ADGRV1: variants seen among roughly 807,000 people sequenced by gnomAD.
ADGRV1 encodes the protein adhesion G protein-coupled receptor V1, also known as G-protein coupled receptor 98.
In ADGRV1, 359 loss-of-function variants were observed where a neutral mutation model predicts 596.2. The observed-to-expected ratio is 0.60, with a 90% CI of 0.55 to 0.66. ADGRV1 has a LOEUF of 0.66. ADGRV1 is among the 30% of genes least tolerant of loss of function. ADGRV1 has a pLI of 0.00. For missense variants in ADGRV1, 7,274 were observed against 7,575.6 expected (o/e 0.96, Z 1.48); for synonymous variants, 2,681 against 2,679.2 (o/e 1.00, Z -0.02).
intron 87 of ADGRV1, among the ~76,000 whole-genome samples, chr5:91,128,124 C>G (rs575345283): frequency 6.6e-6 from 1 of 151,764 alleles, no homozygotes; most frequent in African/African-American, 2.4e-5. Flanking sequence ...GCCTAGCTTT[C>G]TGCTTGTCTT....
chr5:90,674,255 G>GA, intron 23 of ADGRV1, 21 bp downstream of exon 23: 5 of 1,534,420 alleles, frequency 3.3e-6, no homozygotes, highest in Non-Finnish European at 3.5e-6. Context: ...CCTTTTGCAA[G>GA]AAAAATCCTC....
At position 90,763,391 on chromosome 5, in the gene ADGRV1, C is replaced by G. The variant is rs202066007; in HGVS notation, c.12207C>G (p.Thr4069=). The G allele has an allele frequency of 1.2e-6, 2 of 1,613,342 alleles. No individual in the cohort carries two copies. The highest frequency in any genetic ancestry group is 1.7e-6 in the Non-Finnish European group (2 of 1,179,488). The stretch of plus-strand genomic sequence containing the variant: ...TCCGGTCCCCAGGAGGAAAAGGAAC[C>G]GTCCGACTTGAGTGGACCATAGATG... ...TVVRSPGGKG[T]VRLEWTIDEK... The change falls in exon 59 of 90, where the codon ACC becomes ACG. Residue 4069 remains threonine, a synonymous_variant. Transcript: ENST00000405460.
At chr5:91,014,403 G>A (rs1228349822) in intron 85 of ADGRV1, among the ~76,000 whole-genome samples, 1 of 152,024 alleles carries the variant, frequency 6.6e-6, no homozygotes, top group Non-Finnish European at 1.5e-5. Context: ...ATGAGTTGGA[G>A]AGGAGTCCTT....
intron 83 of ADGRV1, among the ~76,000 whole-genome samples, chr5:90,905,344 A>G (rs963304549): frequency 2.0e-5 from 3 of 151,998 alleles, no homozygotes; most frequent in African/African-American, 4.8e-5. Flanking sequence ...CATTTTAGTA[A>G]TGTTGATTCT....
chr5:90,843,584 G>A (rs1439389225), intron 78 of ADGRV1, among the ~76,000 whole-genome samples: 2 of 152,134 alleles, frequency 1.3e-5, no homozygotes, highest in African/African-American at 2.4e-5. Context: ...TCATTTCATC[G>A]TTTTAGTTTA....
At chr5:91,037,467 TATC>T (rs111338458) in intron 85 of ADGRV1, among the ~76,000 whole-genome samples, 37,130 of 151,942 alleles carry the variant, frequency 0.24, 4,753 homozygotes, top group Non-Finnish European at 0.28. Flanking sequence ...GGGAAAATAT[TATC>T]ATATATTAGT....
chr5:90,575,273 A>C (rs1016857220), intron 1 of ADGRV1, among the ~76,000 whole-genome samples: 4 of 151,708 alleles, frequency 2.6e-5, no homozygotes, highest in African/African-American at 9.7e-5. Context: ...TTATTCTTTG[A>C]GACAGAGTCT....
intron 83 of ADGRV1, among the ~76,000 whole-genome samples, chr5:90,920,443 TA>T (rs989588027): frequency 7.6e-4 from 115 of 151,876 alleles, no homozygotes; most frequent in African/African-American, 2.6e-3. Flanking sequence ...TTCCTAAATT[TA>T]AAAAAAAATT....
At chr5:90,926,251 C>G (rs1306451119) in intron 83 of ADGRV1, among the ~76,000 whole-genome samples, 1 of 152,090 alleles carries the variant, frequency 6.6e-6, no homozygotes, top group African/African-American at 2.4e-5. Flanking sequence ...GTCTGTGAAT[C>G]CATCTGGTCC....
chr5:90,872,009 A>G (rs1768730855), intron 83 of ADGRV1, among the ~76,000 whole-genome samples: 1 of 152,212 alleles, frequency 6.6e-6, no homozygotes, highest in African/African-American at 2.4e-5. Context: ...CTGCTACCTC[A>G]CGACATGCAG....
Position 90,805,305 on chromosome 5 carries a change from T to C in ADGRV1, c.14683T>C (p.Phe4895Leu). The change falls in exon 72 of 90, where the codon TTT becomes CTT. Residue 4895 changes from phenylalanine (F) to leucine (L), a missense_variant. By Grantham distance (22) the Phe-to-Leu change is conservative. Coordinates refer to ENST00000405460, the MANE Select transcript of ADGRV1 (RefSeq NM_032119.4). The stretch of plus-strand genomic sequence containing the variant: ...TCAGGTCGGATTTGAATCCACTGCT[T>C]TTCAACTCATGAACATCACTGCTGG... ...NSQVGFESTAFQLMNITAGTS... is the reference protein window; with the variant it reads ...NSQVGFESTALQLMNITAGTS... The C allele has an allele frequency of 6.2e-7, 1 of 1,612,412 alleles. No individual in the cohort carries two copies. The highest frequency in any genetic ancestry group is 8.5e-7 in the Non-Finnish European group (1 of 1,178,638).
At chr5:90,765,972 C>T (rs531055720) in intron 59 of ADGRV1, among the ~76,000 whole-genome samples, 64 of 151,914 alleles carry the variant, frequency 4.2e-4, no homozygotes, top group South Asian at 1.3e-3. Context: ...TGCAGTGGCG[C>T]GATCTCTGCT....
chr5:90,837,416 G>A (rs1349052395), intron 77 of ADGRV1, among the ~76,000 whole-genome samples: 5 of 149,982 alleles, frequency 3.3e-5, no homozygotes, highest in African/African-American at 1.2e-4. Context: ...TGTCGCCCTG[G>A]CTGGAGTGCA....
At position 90,674,146 on chromosome 5, in the gene ADGRV1, G is replaced by A. The variant is rs1172836837; in HGVS notation, c.5022G>A (p.Lys1674=). 1.2e-6 allele frequency: 2 copies of A among 1,613,320 alleles called. No homozygotes were observed. The highest frequency in any genetic ancestry group is 1.7e-6 in the Non-Finnish European group (2 of 1,179,460). Residue 1674 remains lysine, a synonymous_variant, in exon 23 of 90, where the codon AAG becomes AAA. Coordinates refer to ENST00000405460, the MANE Select transcript of ADGRV1 (RefSeq NM_032119.4). ...TLVSAIPGDG[K]LGSTPTSGAS... Reference sequence around the variant, plus strand: ...TTTCTGCAATTCCTGGAGATGGGAAGCTAGGCTCAACTCCTACCAGTGGTG... The same window carrying A: ...TTTCTGCAATTCCTGGAGATGGGAAACTAGGCTCAACTCCTACCAGTGGTG...
At chr5:91,006,214 C>T (rs781615188) in intron 85 of ADGRV1, among the ~76,000 whole-genome samples, 7 of 152,126 alleles carry the variant, frequency 4.6e-5, no homozygotes, top group Non-Finnish European at 8.8e-5. Context: ...AAGTTATACC[C>T]TGTGACGTCT....
intron 16 of ADGRV1, among the ~76,000 whole-genome samples, chr5:90,646,552 A>G (rs1049809581): frequency 2.0e-5 from 3 of 152,062 alleles, no homozygotes; most frequent in Non-Finnish European, 4.4e-5. Flanking sequence ...TTTTAAGGGA[A>G]ATATTAATTA....
rs142547598 is a variant in ADGRV1 at position 91,031,510 on chromosome 5, C to T, written c.18153-40937C>T. Among the ~76,000 whole-genome samples, 28 of 152,310 alleles carry T rather than the reference C, an allele frequency of 1.8e-4. No homozygotes were observed. In the East Asian group the frequency reaches 5.4e-3, roughly 29 times the overall value. On this transcript the variant is annotated intron_variant, in intron 85 of 89. Coordinates refer to ENST00000405460, the MANE Select transcript of ADGRV1 (RefSeq NM_032119.4). ...CCACCATAAAGTAAATCCCCTGGGT[C>T]ACCAGGCTGGGAGAAAGGTCTGGAG...
chr5:90,697,475 A>G (rs765448389), intron 34 of ADGRV1, among the ~76,000 whole-genome samples: 7 of 147,638 alleles, frequency 4.7e-5, no homozygotes. Flanking sequence ...AAATGAGCTA[A>G]TAAAGGTAAA....
At chr5:91,011,719 A>G (rs1327338484) in intron 85 of ADGRV1, among the ~76,000 whole-genome samples, 2 of 152,016 alleles carry the variant, frequency 1.3e-5, no homozygotes, top group African/African-American at 4.8e-5. Context: ...TTCCATTCAC[A>G]AAGGCTTTTC....
Sources: allele counts gnomAD v4.1 joint callset (sites outside exome capture counted in the v4.1 genomes callset), GRCh38; gene constraint gnomAD v4.1.1; transcripts MANE v1.5; gene names NCBI Gene and HGNC (gene_info 2026-07-23, HGNC 2026-07-21).